ZNF540: variants seen among roughly 807,000 people sequenced by gnomAD.
ZNF540 encodes CTD-3064H18.6.
A neutral mutation model predicts 11.8 loss-of-function variants in ZNF540; 3 were observed. The observed-to-expected ratio is 0.25, with a 90% CI of 0.12 to 0.65. The LOEUF is 0.65. Ranked by LOEUF, ZNF540 falls within the 30% of genes least tolerant of loss-of-function variation. The pLI is 0.83. For missense variants in ZNF540, 709 were observed against 793.1 expected, an observed-to-expected ratio of 0.89 and a Z score of 1.27; for synonymous variants, 247 against 259.0, an observed-to-expected ratio of 0.95 and a Z score of 0.45.
chr19:37,608,741 T>A (rs2044104107), intron 4 of ZNF540, among the ~76,000 whole-genome samples: 1 of 152,146 alleles, frequency 6.6e-6, no homozygotes, highest in Admixed American at 6.6e-5. Flanking sequence ...GTGCTTCCAG[T>A]TTTTTCCCCA....
chr19:37,612,412 G>A lies in ZNF540; in HGVS notation c.1132G>A (p.Ala378Thr), dbSNP rs774316546. 1.2e-6 allele frequency: 2 copies of A among 1,613,476 alleles called. No homozygotes were observed. Among genetic ancestry groups the A allele is most frequent in the Non-Finnish European group, 1.7e-6 (2 of 1,179,900 alleles). The part of the protein sequence containing the change: ...FYLTEHRRTH[A>T]GKKPYECKEC... ...CCTTACTGAACACAGAAGAACTCAT[G>A]CAGGTAAGAAACCTTATGAATGTAA... Residue 378 changes from alanine (A) to threonine (T), a missense_variant, in exon 5 of 5, where the codon GCA becomes ACA. Transcript: ENST00000316433.
chr19:37,562,387 T>TG (rs2042727256), intron 1 of ZNF540: 1 of 151,996 alleles, frequency 6.6e-6, no homozygotes, highest in African/African-American at 2.4e-5. Flanking sequence ...GTTTTTTTTT[T>TG]GTTTGAAACC....
chr19:37,595,564 G>C (rs1366344490), intron 1 of ZNF540: 3 of 152,154 alleles, frequency 2.0e-5, no homozygotes, highest in Non-Finnish European at 2.9e-5. Flanking sequence ...AGAAGTGTGT[G>C]AGCATAATAT....
chr19:37,573,911 T>TC (rs1756198257), intron 1 of ZNF540, among the ~76,000 whole-genome samples: 1 of 152,060 alleles, frequency 6.6e-6, no homozygotes, highest in Non-Finnish European at 1.5e-5. Flanking sequence ...TTCACAGCAA[T>TC]CTGTGCCCTA....
intron 1 of ZNF540, chr19:37,565,152 T>G (rs993584932): frequency 1.2e-6 from 2 of 1,613,476 alleles, no homozygotes; most frequent in African/African-American, 1.3e-5. Flanking sequence ...ATAAAGGCCT[T>G]TCCACATTCC....
chr19:37,602,967 G>C (rs577084115), intron 4 of ZNF540, among the ~76,000 whole-genome samples: 97 of 151,644 alleles, frequency 6.4e-4, no homozygotes, highest in African/African-American at 2.3e-3. Context: ...CTAGATAAGA[G>C]GTTAGTAGCT....
chr19:37,555,673 A>T (rs1256674166), intron 1 of ZNF540: 21 of 570,316 alleles, frequency 3.7e-5, no homozygotes, highest in South Asian at 1.7e-4. Context: ...ACATAGGGTC[A>T]CCTAGATCAG....
chr19:37,586,984 A>G, intron 1 of ZNF540: 1 of 352,422 alleles, frequency 2.8e-6, no homozygotes, highest in Non-Finnish European at 5.1e-6. Flanking sequence ...CCACAGTAGA[A>G]CAGAGGCATG....
At chr19:37,570,769 A>C (rs1214079296) in intron 1 of ZNF540, among the ~76,000 whole-genome samples, 1 of 152,142 alleles carries the variant, frequency 6.6e-6, no homozygotes, top group Non-Finnish European at 1.5e-5. Flanking sequence ...ATACTACCAA[A>C]CTTCTGAATA....
At chr19:37,557,446 C>T (rs1270810264) in intron 1 of ZNF540, among the ~76,000 whole-genome samples, 4 of 152,196 alleles carry the variant, frequency 2.6e-5, no homozygotes, top group African/African-American at 7.2e-5. Flanking sequence ...CTTACCCCAT[C>T]GGAGAGCCTG....
At chr19:37,555,885 G>A (rs1030734234) in intron 1 of ZNF540, 2 of 700,740 alleles carry the variant, frequency 2.9e-6, no homozygotes, top group African/African-American at 1.7e-5. Flanking sequence ...CGAGAAGCAC[G>A]AGTTATGGAA....
chr19:37,583,530 A>C (rs2147196585), intron 1 of ZNF540: 1 of 155,082 alleles, frequency 6.4e-6, no homozygotes, highest in East Asian at 1.9e-4. Flanking sequence ...CACACCTCAA[A>C]GTGCTGCCAC....
chr19:37,559,026 T>C (rs2042690370), intron 1 of ZNF540, among the ~76,000 whole-genome samples: 2 of 152,166 alleles, frequency 1.3e-5, no homozygotes, highest in Admixed American at 1.3e-4. Context: ...GTATTGTTTA[T>C]AGAAATGGGT....
At chr19:37,583,727 C>A in intron 1 of ZNF540, 1 of 395,182 alleles carries the variant, frequency 2.5e-6, no homozygotes, top group Non-Finnish European at 4.6e-6. Flanking sequence ...CATGGTCATG[C>A]TAGGGGATTC....
intron 1 of ZNF540, among the ~76,000 whole-genome samples, chr19:37,576,040 C>CAT (rs773268616): frequency 6.0e-4 from 90 of 150,320 alleles, no homozygotes; most frequent in Non-Finnish European, 1.1e-3. Flanking sequence ...GGCATACATG[C>CAT]ATACACACAC....
Position 37,569,743 on chromosome 19 carries a change from C to T in ZNF540, c.-73+18078C>T, listed in dbSNP as rs1402056040. On this transcript the variant is annotated intron_variant, in intron 1 of 4. Transcript: ENST00000592533. This position sits in a 1 kb window ranked among gnomAD's most constrained non-coding sequence, Gnocchi z 4.4. ...GCCTTCTCTCAATACCTCATACAAA[C>T]CAAGCTCCATCCTCCTATGGCCTGC... 1 of 152,340 alleles carries T rather than the reference C, an allele frequency of 6.6e-6. No individual in the cohort carries two copies. Among genetic ancestry groups the T allele is most frequent in the Non-Finnish European group, 1.5e-5 (1 of 68,134 alleles). The allele number at this position is 152,340 out of a possible 1,614,324, so 9.4% of individuals were successfully genotyped here.
In ZNF540 at chr19:37,613,033, G is replaced by A. The variant is rs751936097; in HGVS notation, c.1753G>A (p.Gly585Arg). 4 of 1,613,970 alleles carry A rather than the reference G, an allele frequency of 2.5e-6. No individual in the cohort carries two copies. The highest frequency in any genetic ancestry group is 2.2e-5 in the South Asian group (2 of 91,080). The change falls in exon 5 of 5, where the codon GGG becomes AGG. Residue 585 changes from glycine to arginine, a missense_variant. Gly to Arg is a moderately radical substitution (Grantham distance 125). Transcript: ENST00000316433. Reference protein sequence around the residue: ...GVKPYKCKECGKAFSRSVDLR... With the variant: ...GVKPYKCKECRKAFSRSVDLR... ...AAAACCATACAAATGTAAAGAATGT[G>A]GGAAGGCCTTTAGTCGTAGTGTAGA...
At chr19:37,599,280 ATAAT>A in intron 2 of ZNF540, among the ~76,000 whole-genome samples, 1 of 152,316 alleles carries the variant, frequency 6.6e-6, no homozygotes, top group South Asian at 2.1e-4. Context: ...TTATTAAGTA[ATAAT>A]TTATTGAGAA....
At chr19:37,593,099 A>G (rs532456503), upstream of ZNF540, among the ~76,000 whole-genome samples, 1 of 152,312 alleles carries the variant, frequency 6.6e-6, no homozygotes, top group African/African-American at 2.4e-5. Flanking sequence ...ATAAGAAACA[A>G]ATTTATTGTT....
Sources: gnomAD v4.1 joint callset for allele counts (sites outside exome capture counted in the v4.1 genomes callset) on GRCh38, gnomAD v4.1.1 for gene constraint, Gnocchi (gnomAD v3.1) non-coding constraint, MANE v1.5 for transcripts, NCBI Gene and HGNC (gene_info 2026-07-23, HGNC 2026-07-21) for gene names.